Variants in PTN observed in about 807,000 individuals in gnomAD.
The protein encoded by PTN is heparin affin regulatory protein.
Under a neutral mutation model 24.1 loss-of-function variants are expected in PTN, and 18 were observed. The observed-to-expected ratio is 0.75, with a 90% CI of 0.52 to 1.11. The LOEUF (loss-of-function observed/expected upper bound fraction) is 1.11, where lower values mean the gene tolerates loss of function less well. Ranked by LOEUF, PTN falls within the 50% of genes least tolerant of loss-of-function variation. PTN has a pLI of 0.00. For synonymous variants in PTN, 78 were observed against 68.6 expected (o/e 1.14, Z -0.67); for missense variants, 163 against 198.8 (o/e 0.82, Z 1.08).
intron 1 of PTN, among the ~76,000 whole-genome samples, chr7:137,317,719 C>CT (rs1217974043): frequency 6.6e-6 from 1 of 152,182 alleles, no homozygotes; most frequent in East Asian, 1.9e-4. Flanking sequence ...GCATTCAATA[C>CT]TTAAACAATA....
intron 1 of PTN, among the ~76,000 whole-genome samples, chr7:137,307,829 C>T (rs1289984206): frequency 6.6e-6 from 1 of 152,094 alleles, no homozygotes; most frequent in Non-Finnish European, 1.5e-5. Context: ...AAGGGCAGAG[C>T]CAGAGGCAGA....
In PTN at chr7:137,307,217, C is replaced by T. The variant is rs114548742; in HGVS notation, c.-2+36222G>A. 3.8e-3 allele frequency among the ~76,000 whole-genome samples: 579 copies of T among 152,200 alleles called. 4 individuals carry two copies. The highest frequency in any genetic ancestry group is 0.013 in the African/African-American group (533 of 41,550). ...GTTTATTCTTATTCTTGTCCCTCCT[C>T]ATTGACTCTTCATCATGCTGGGCCC... is the stretch of plus-strand genomic sequence containing the variant. On this transcript the variant is annotated intron_variant, in intron 1 of 4. Coordinates refer to ENST00000348225, the MANE Select transcript of PTN (RefSeq NM_002825.7).
chr7:137,285,852 A>C (rs1360504425), intron 1 of PTN, among the ~76,000 whole-genome samples: 1 of 152,254 alleles, frequency 6.6e-6, no homozygotes, highest in Non-Finnish European at 1.5e-5. Context: ...AATGGTGAAT[A>C]AGTGAGTAAA....
intron 4 of PTN, among the ~76,000 whole-genome samples, chr7:137,247,188 T>G (rs1808738113): frequency 6.6e-6 from 1 of 152,182 alleles, no homozygotes; most frequent in Admixed American, 6.5e-5. Context: ...ATAAAGGGAA[T>G]CAGTATATTG....
At chr7:137,245,308 C>T (rs1808704184) in intron 4 of PTN, among the ~76,000 whole-genome samples, 1 of 152,208 alleles carries the variant, frequency 6.6e-6, no homozygotes, top group African/African-American at 2.4e-5. Context: ...CAGTTACGCA[C>T]CACATAGCAA....
At chr7:137,250,619 C>A (rs1022049098) in intron 4 of PTN, among the ~76,000 whole-genome samples, 11 of 152,102 alleles carry the variant, frequency 7.2e-5, no homozygotes, top group African/African-American at 1.9e-4. Flanking sequence ...GAATTCATGG[C>A]CATAATGATT....
At chr7:137,314,086 T>C (rs1810028799) in intron 1 of PTN, among the ~76,000 whole-genome samples, 5 of 152,206 alleles carry the variant, frequency 3.3e-5, no homozygotes, top group Admixed American at 3.3e-4. Flanking sequence ...TGCTGAGTGA[T>C]GAGCGGGACT....
intron 1 of PTN, among the ~76,000 whole-genome samples, chr7:137,279,861 G>A (rs1406222344): frequency 2.6e-5 from 4 of 152,178 alleles, no homozygotes; most frequent in African/African-American, 9.7e-5. Context: ...CTGACAGAGG[G>A]CCACTTGACA....
intron 1 of PTN, among the ~76,000 whole-genome samples, chr7:137,338,658 C>T (rs1017493850): frequency 3.3e-5 from 5 of 152,142 alleles, no homozygotes; most frequent in Admixed American, 2.0e-4. Flanking sequence ...TCATTAGCTG[C>T]TTGAAGACAT....
Position 137,251,249 on chromosome 7 carries a change from C to T in PTN, c.432G>A (p.Leu144=), listed in dbSNP as rs1437243479. 2 of 1,614,014 alleles carry T rather than the reference C, an allele frequency of 1.2e-6. No homozygotes were observed. The highest frequency in any genetic ancestry group is 1.7e-6 in the Non-Finnish European group (2 of 1,180,004). ...TVTISKPCGK[L]TKPKPQAESK... Reference sequence around the variant, plus strand: ...ACTTACCTTGAGGTTTGGGCTTGGTCAGTTTGCCACAGGGCTTGGAGATGG... The same window carrying T: ...ACTTACCTTGAGGTTTGGGCTTGGTTAGTTTGCCACAGGGCTTGGAGATGG... The change falls in exon 4 of 5, where the codon CTG becomes CTA. Residue 144 remains leucine (L), a synonymous_variant. Coordinates refer to ENST00000348225, the MANE Select transcript of PTN (RefSeq NM_002825.7).
chr7:137,287,536 T>A (rs1809576338), intron 1 of PTN, among the ~76,000 whole-genome samples: 1 of 152,126 alleles, frequency 6.6e-6, no homozygotes, highest in Admixed American at 6.6e-5. Context: ...ATTTGTTTAA[T>A]TCTGTTATAT....
intron 4 of PTN, chr7:137,236,133 A>C: frequency 1.4e-6 from 1 of 700,836 alleles, no homozygotes; most frequent in South Asian, 1.5e-5. Flanking sequence ...TTATTTTTCA[A>C]ATCAACTCAC....
chr7:137,301,525 T>C (rs143914936), intron 1 of PTN, among the ~76,000 whole-genome samples: 54 of 151,814 alleles, frequency 3.6e-4, no homozygotes, highest in African/African-American at 5.1e-4. Context: ...AAAGCGTCCA[T>C]AGCTTTGCCC....
chr7:137,315,903 G>GA (rs1310128777), intron 1 of PTN, among the ~76,000 whole-genome samples: 2 of 151,908 alleles, frequency 1.3e-5, no homozygotes, highest in African/African-American at 4.8e-5. Context: ...TTTGCATATT[G>GA]AAAAAAATGC....
chr7:137,291,270 C>T (rs2128877293), intron 1 of PTN, among the ~76,000 whole-genome samples: 1 of 152,226 alleles, frequency 6.6e-6, no homozygotes, highest in Admixed American at 6.5e-5. Context: ...TTAAAAATTA[C>T]TTTTCAAAAT....
At chr7:137,313,892 T>G (rs1047883166) in intron 1 of PTN, among the ~76,000 whole-genome samples, 1 of 152,230 alleles carries the variant, frequency 6.6e-6, no homozygotes, top group African/African-American at 2.4e-5. Flanking sequence ...AATTGGATGT[T>G]CACCATGCAC....
At chr7:137,278,132 C>T (rs965272718) in intron 1 of PTN, among the ~76,000 whole-genome samples, 14 of 150,676 alleles carry the variant, frequency 9.3e-5, no homozygotes, top group Non-Finnish European at 1.3e-4. Flanking sequence ...ACGGTGAAAC[C>T]CCGTCTCTAC....
At chr7:137,243,535 C>T (rs774094458) in intron 4 of PTN, among the ~76,000 whole-genome samples, 3 of 152,186 alleles carry the variant, frequency 2.0e-5, no homozygotes, top group Non-Finnish European at 4.4e-5. Context: ...GATTTGCTCA[C>T]TACATGCCAT....
intron 4 of PTN, among the ~76,000 whole-genome samples, chr7:137,237,819 C>T (rs933650734): frequency 1.3e-5 from 2 of 152,118 alleles, no homozygotes; most frequent in African/African-American, 4.8e-5. Context: ...TAGACAGCAG[C>T]CTTCAGAGCA....
Sources: allele counts gnomAD v4.1 joint callset (sites outside exome capture counted in the v4.1 genomes callset), GRCh38; gene constraint gnomAD v4.1.1; transcripts MANE v1.5; gene names NCBI Gene and HGNC (gene_info 2026-07-23, HGNC 2026-07-21).